The following AARS2 variants were observed in gnomAD, a reference collection of about 807,000 sequenced individuals.
The protein encoded by AARS2 is alanine--tRNA ligase, mitochondrial.
A neutral mutation model predicts 119.7 loss-of-function variants in AARS2; 78 were observed. The ratio of observed to expected loss-of-function variants is 0.65; its 90% CI spans 0.54 to 0.79. AARS2 has a LOEUF of 0.79. Ranked by LOEUF, AARS2 falls within the 30% of genes least tolerant of loss-of-function variation. The pLI is 0.00. For missense variants in AARS2, 1,157 were observed against 1,291.3 expected (o/e 0.90, Z 1.59); for synonymous variants, 502 against 526.3 (o/e 0.95, Z 0.63).
chr6:44,311,554 T>C lies in AARS2; in HGVS notation c.436-19A>G. ...CCTCCTCCTGCAGCAGAAACCAGCATGGGGTGGGGGGGGAAGACGGGTGAG... is the reference window on the plus strand; with the variant it reads ...CCTCCTCCTGCAGCAGAAACCAGCACGGGGTGGGGGGGGAAGACGGGTGAG... On this transcript the variant is annotated intron_variant, in intron 2 of 21. Coordinates refer to ENST00000244571, the MANE Select transcript of AARS2 (RefSeq NM_020745.4). The C allele has an allele frequency of 6.7e-7, 1 of 1,495,108 alleles. No homozygotes were observed. Among genetic ancestry groups the C allele is most frequent in the Non-Finnish European group, 9.1e-7 (1 of 1,094,516 alleles). 92.6% of individuals were successfully genotyped at this position (1,495,108 alleles called of 1,614,324 possible).
Position 44,301,407 on chromosome 6 carries a change from C to G in AARS2, c.2656G>C (p.Asp886His), listed in dbSNP as rs369998484. 1 of 1,613,996 alleles carries G rather than the reference C, an allele frequency of 6.2e-7. No individual in the cohort carries two copies. Among genetic ancestry groups the G allele is most frequent in the Admixed American group, 1.7e-5 (1 of 60,020 alleles). The change falls in exon 20 of 22, where the codon GAC (aspartate) becomes CAC (histidine). Residue 886 changes from aspartate (D) to histidine (H), a missense_variant. Coordinates refer to ENST00000244571, the MANE Select transcript of AARS2 (RefSeq NM_020745.4). Reference sequence around the variant, plus strand: ...GAGAGAGACTCAGCAGAGACTGTGTCCACAATCAGAGGCCCCTTCGAGTGC... The same window carrying G: ...GAGAGAGACTCAGCAGAGACTGTGTGCACAATCAGAGGCCCCTTCGAGTGC... ...ERHSKGPLIV[D>H]TVSAESLSVL...
chr6:44,311,557 G>A, intron 2 of AARS2, 22 bp from the exon 3 acceptor site: 1 of 1,609,114 alleles, frequency 6.2e-7, no homozygotes, highest in Non-Finnish European at 8.5e-7. Flanking sequence ...ACCAGCATGG[G>A]GTGGGGGGGG....
At position 44,312,231 on chromosome 6, in the gene AARS2, T is replaced by C. The variant is rs1290502425; in HGVS notation, c.276A>G (p.Pro92=). Residue 92 remains proline (P), a synonymous_variant, in exon 2 of 22, where the codon CCA becomes CCG. Transcript: ENST00000244571. ...GTCGGAAGCCTGCCATCTCGCTTCGTGGATCCACGGTGCCCAGAAAGATTG... is the reference window on the plus strand; with the variant it reads ...GTCGGAAGCCTGCCATCTCGCTTCGCGGATCCACGGTGCCCAGAAAGATTG... ...FKPIFLGTVD[P]RSEMAGFRRV... The C allele has an allele frequency of 6.2e-7, 1 of 1,613,872 alleles. No individual in the cohort carries two copies. The highest frequency in any genetic ancestry group is 1.3e-5 in the African/African-American group (1 of 74,914).
chr6:44,306,480 C>G lies in AARS2; in HGVS notation c.1188+14G>C, dbSNP rs1485023920. 5 of 1,614,088 alleles carry G rather than the reference C, an allele frequency of 3.1e-6. No homozygotes were observed. The highest frequency in any genetic ancestry group is 3.3e-5 in the Admixed American group (2 of 60,006). ...CTCCCATCAACCCCTTTCTCTCCCA[C>G]TGGAATCCAGTACCTGGGCTGAGTT... On this transcript the variant is annotated intron_variant, in intron 8 of 21. Transcript: ENST00000244571.
intron 21 of AARS2, 131 bp from the exon 22 acceptor site, chr6:44,300,842 C>T: frequency 1.7e-6 from 2 of 1,198,698 alleles, no homozygotes; most frequent in South Asian, 1.3e-5. Flanking sequence ...GTGGGGCAGT[C>T]AGGTGATGAG....
Position 44,313,149 on chromosome 6 carries a change from C to T in AARS2, c.175G>A (p.Val59Met). The change falls in exon 1 of 22, where the codon GTG becomes ATG. Residue 59 changes from valine (V) to methionine (M), a missense_variant. By Grantham distance (21) the Val-to-Met change is conservative. Transcript: ENST00000244571. ...FFRDRHGHRL[V>M]PSASVRPRGD... Reference sequence around the variant, plus strand: ...CGGGGCCGCACGGAAGCGGAGGGCACCAGCCGGTGGCCATGGCGGTCCCGA... The same window carrying T: ...CGGGGCCGCACGGAAGCGGAGGGCATCAGCCGGTGGCCATGGCGGTCCCGA... The T allele has an allele frequency of 6.2e-7, 1 of 1,613,068 alleles. No individual in the cohort carries two copies. The highest frequency in any genetic ancestry group is 8.5e-7 in the Non-Finnish European group (1 of 1,179,736).
intron 5 of AARS2, 151 bp downstream of exon 5, chr6:44,310,148 C>G: frequency 9.2e-7 from 1 of 1,085,254 alleles, no homozygotes; most frequent in Non-Finnish European, 1.4e-6. Flanking sequence ...GTAATGAATC[C>G]TAGTGTCTTG....
chr6:44,309,062 A>G (rs1234217853), intron 5 of AARS2, among the ~76,000 whole-genome samples: 2 of 152,322 alleles, frequency 1.3e-5, no homozygotes, highest in East Asian at 1.9e-4. Flanking sequence ...GTTTCCCATC[A>G]AGGGACAGAA....
intron 13 of AARS2, 38 bp from the exon 14 acceptor site, chr6:44,304,359 C>T: frequency 1.2e-6 from 2 of 1,614,108 alleles, no homozygotes; most frequent in Middle Eastern, 1.6e-4. Flanking sequence ...TGGGTGAGGG[C>T]AGGGGGTTGG....
At chr6:44,308,999 C>G (rs926827291) in intron 5 of AARS2, among the ~76,000 whole-genome samples, 1 of 152,188 alleles carries the variant, frequency 6.6e-6, no homozygotes. Context: ...AGACTGTTCA[C>G]AAAAATGGCC....
intron 3 of AARS2, 51 bp downstream of exon 3, chr6:44,311,339 T>C (rs367714120): frequency 6.2e-7 from 1 of 1,613,538 alleles, no homozygotes; most frequent in Non-Finnish European, 8.5e-7. Flanking sequence ...AGTCTCCACT[T>C]TCCAGTCCTC....
At chr6:44,308,594 C>T (rs752908216) in intron 5 of AARS2, among the ~76,000 whole-genome samples, 1 of 151,558 alleles carries the variant, frequency 6.6e-6, no homozygotes, top group Non-Finnish European at 1.5e-5. Context: ...ATCTGATGTA[C>T]ACTTTTATTT....
intron 3 of AARS2, 67 bp from the exon 4 acceptor site, chr6:44,311,228 G>A (rs1583060464): frequency 1.2e-6 from 2 of 1,606,900 alleles, no homozygotes; most frequent in Non-Finnish European, 1.7e-6. Context: ...TCTCTGCCAT[G>A]AGAGCCCCTC....
At chr6:44,310,905 G>C (rs981187043) in intron 4 of AARS2, 89 bp downstream of exon 4, 1 of 1,547,772 alleles carries the variant, frequency 6.5e-7, no homozygotes, top group African/African-American at 1.4e-5. Context: ...TTACATGTTT[G>C]TTTTTATATG....
intron 5 of AARS2, 116 bp downstream of exon 5, chr6:44,310,183 G>T: frequency 7.3e-7 from 1 of 1,372,156 alleles, no homozygotes; most frequent in Non-Finnish European, 1.0e-6. Flanking sequence ...ATTCTTGGTT[G>T]GTTATTGTCC....
In AARS2 at chr6:44,299,849, C is replaced by A; in HGVS notation, c.*698G>T. Reference sequence around the variant, plus strand: ...GCAGAGCCTGTCCGAACACTCATGGCAATGAAGATGGCCCGATTTGGATCC... The same window carrying A: ...GCAGAGCCTGTCCGAACACTCATGGAAATGAAGATGGCCCGATTTGGATCC... On this transcript the variant is annotated 3_prime_UTR_variant, in exon 22 of 22. Coordinates refer to ENST00000244571, the MANE Select transcript of AARS2 (RefSeq NM_020745.4). 6.5e-6 allele frequency: 1 copy of A among 153,152 alleles called. No homozygotes were observed. The highest frequency in any genetic ancestry group is 1.5e-5 in the Non-Finnish European group (1 of 68,634). 9.5% of individuals were successfully genotyped at this position (153,152 alleles called of 1,614,324 possible). A position where few individuals can be genotyped will look rare whatever the true frequency, so the allele number is the denominator to read the frequency against.
In AARS2 at chr6:44,301,207, T is replaced by TAGG. The variant is rs1274110850; in HGVS notation, c.2739_2741dup (p.Leu915dup). 6.2e-7 allele frequency: 1 copy of TAGG among 1,613,558 alleles called. No individual in the cohort carries two copies. ...CCTTCCCCATGGGCTGGGGGCTGAG[T>TAGG]AGGAGCACAGACGTGCTGGGGGCCT... On this transcript the variant is annotated inframe_insertion, in exon 21 of 22. Coordinates refer to ENST00000244571, the MANE Select transcript of AARS2 (RefSeq NM_020745.4).
Position 44,303,090 on chromosome 6 carries a change from G to A in AARS2, c.2231C>T (p.Thr744Ile). The change falls in exon 16 of 22, where the codon ACC (threonine) becomes ATC (isoleucine). Residue 744 changes from threonine (T) to isoleucine (I), a missense_variant. Physicochemically the swap from Thr to Ile is moderately conservative, Grantham distance 89 (BLOSUM62 -1). Transcript: ENST00000244571. ...LDPASQAALQ[T>I]SVELCCGTHL... ...CGTCCCACAGCATAGCTCCACAGAGGTCTGCAGTGCGGCTTGGGAGGCTGG... is the reference window on the plus strand; with the variant it reads ...CGTCCCACAGCATAGCTCCACAGAGATCTGCAGTGCGGCTTGGGAGGCTGG... The A allele has an allele frequency of 6.2e-7, 1 of 1,614,082 alleles. No homozygotes were observed. Among genetic ancestry groups the A allele is most frequent in the Non-Finnish European group, 8.5e-7 (1 of 1,180,026 alleles).
At chr6:44,304,127 T>C in intron 14 of AARS2, 54 bp downstream of exon 14, 1 of 1,610,266 alleles carries the variant, frequency 6.2e-7, no homozygotes, top group Non-Finnish European at 8.5e-7. Flanking sequence ...GCAGGCTGTC[T>C]CTCTTTTATG....
Sources: allele counts gnomAD v4.1 joint callset (sites outside exome capture counted in the v4.1 genomes callset), GRCh38; gene constraint gnomAD v4.1.1; transcripts MANE v1.5; gene names NCBI Gene and HGNC (gene_info 2026-07-23, HGNC 2026-07-21).